The following MREG variants were observed in gnomAD, a reference collection of about 807,000 sequenced individuals.
MREG encodes dilute suppressor protein homolog.
Under a neutral mutation model 28.5 loss-of-function variants are expected in MREG, and 31 were observed. The observed-to-expected ratio is 1.09, with a 90% CI of 0.82 to 1.47. MREG has a LOEUF of 1.47. Among genes scored for constraint, MREG ranks in the 40% most tolerant of loss-of-function variants. The pLI is 0.00. For synonymous variants in MREG, 106 were observed against 95.2 expected, an observed-to-expected ratio of 1.11 and a Z score of -0.66; for missense variants, 256 against 257.4, an observed-to-expected ratio of 0.99 and a Z score of 0.04.
chr2:215,988,049 T>G (rs1216782994), intron 2 of MREG, among the ~76,000 whole-genome samples: 1 of 152,256 alleles, frequency 6.6e-6, no homozygotes, highest in Non-Finnish European at 1.5e-5. Context: ...AGAGTTCCTG[T>G]TCCTCTACAG....
intron 2 of MREG, among the ~76,000 whole-genome samples, chr2:215,992,045 A>G (rs1457407618): frequency 6.6e-6 from 1 of 152,232 alleles, no homozygotes; most frequent in East Asian, 1.9e-4. Flanking sequence ...AACTCATTTT[A>G]TGAGGCCAGC....
At chr2:215,966,232 G>GAGCTT in intron 2 of MREG, among the ~76,000 whole-genome samples, 1 of 152,222 alleles carries the variant, frequency 6.6e-6, no homozygotes, top group African/African-American at 2.4e-5. Flanking sequence ...TGCCTCTTCG[G>GAGCTT]AATTATTAGT....
In MREG at chr2:215,944,812, G is replaced by GACAACA; in HGVS notation, c.*50_*51insTGTTGT. The GACAACA allele has an allele frequency of 6.6e-7, 1 of 1,514,804 alleles. No homozygotes were observed. Among genetic ancestry groups the GACAACA allele is most frequent in the South Asian group, 1.3e-5 (1 of 76,322 alleles). 93.8% of individuals were successfully genotyped at this position (1,514,804 alleles called of 1,614,324 possible). A position where few individuals can be genotyped will look rare whatever the true frequency, so the allele number is the denominator to read the frequency against. On this transcript the variant is annotated 3_prime_UTR_variant, in exon 5 of 5. Coordinates refer to ENST00000263268, the MANE Select transcript of MREG (RefSeq NM_018000.3). Reference sequence around the variant, plus strand: ...TACATGTAATTGTCCAACTTTGGTTGACTGCTGAGTCCTCATGGAAGAATT... The same window carrying GACAACA: ...TACATGTAATTGTCCAACTTTGGTTGACAACAACTGCTGAGTCCTCATGGAAGAATT...
intron 2 of MREG, among the ~76,000 whole-genome samples, chr2:215,994,124 G>A (rs373259736): frequency 6.6e-5 from 10 of 151,898 alleles, no homozygotes; most frequent in South Asian, 2.1e-4. Context: ...TATGTTTATC[G>A]CAACACTGTT....
intron 2 of MREG, among the ~76,000 whole-genome samples, chr2:215,992,953 T>C (rs1410938297): frequency 6.6e-6 from 1 of 152,154 alleles, no homozygotes; most frequent in East Asian, 1.9e-4. Flanking sequence ...TGCTCATGGA[T>C]AGGAAAAATC....
chr2:216,019,435 A>T (rs1694490493), intron 1 of MREG, among the ~76,000 whole-genome samples: 1 of 151,332 alleles, frequency 6.6e-6, no homozygotes, highest in Non-Finnish European at 1.5e-5. Flanking sequence ...AACAGACACT[A>T]TCTATCTGTT....
intron 1 of MREG, among the ~76,000 whole-genome samples, chr2:215,998,414 G>T (rs1014131625): frequency 1.3e-5 from 2 of 152,070 alleles, no homozygotes; most frequent in Non-Finnish European, 2.9e-5. Context: ...TTGGAACCAA[G>T]GCTAGCAGGA....
chr2:216,019,690 T>C (rs1005436842), intron 1 of MREG, among the ~76,000 whole-genome samples: 10 of 152,018 alleles, frequency 6.6e-5, no homozygotes, highest in African/African-American at 2.2e-4. Flanking sequence ...GTATTTTTAG[T>C]AGAGACAGGG....
intron 2 of MREG, among the ~76,000 whole-genome samples, chr2:215,984,522 A>C (rs77863125): frequency 1.7e-5 from 2 of 115,772 alleles, no homozygotes; most frequent in African/African-American, 3.2e-5. Context: ...TGTCACCAAA[A>C]AAAAAAAAAA....
At chr2:215,953,072 T>C (rs1183584865) in intron 2 of MREG, among the ~76,000 whole-genome samples, 1 of 152,236 alleles carries the variant, frequency 6.6e-6, no homozygotes, top group Non-Finnish European at 1.5e-5. Context: ...GATTCATCCC[T>C]TAAGGTTGGC....
intron 2 of MREG, among the ~76,000 whole-genome samples, chr2:215,987,344 CA>C (rs34423911): frequency 0.96 from 145,264 of 151,928 alleles, 69,511 homozygotes; most frequent in African/African-American, 0.97. Flanking sequence ...CTCCCAGGTT[CA>C]AAGCGATTCT....
At chr2:215,945,968 C>T (rs1359604355) in intron 3 of MREG, among the ~76,000 whole-genome samples, 2 of 151,868 alleles carry the variant, frequency 1.3e-5, no homozygotes, top group African/African-American at 4.8e-5. Flanking sequence ...TTAACTTTTC[C>T]CTCAGAGCCT....
intron 2 of MREG, among the ~76,000 whole-genome samples, chr2:215,956,934 C>T (rs141986115): frequency 1.6e-3 from 239 of 152,190 alleles, no homozygotes; most frequent in African/African-American, 5.3e-3. Context: ...GACGGATACC[C>T]TTATAATCCA....
upstream of MREG, among the ~76,000 whole-genome samples, chr2:216,013,775 T>C (rs368343874): frequency 6.6e-6 from 1 of 152,188 alleles, no homozygotes; most frequent in East Asian, 1.9e-4. Context: ...GTACCTTTTA[T>C]TGGCTTCACT....
intron 1 of MREG, chr2:216,032,650 A>G (rs764925224): frequency 2.0e-5 from 3 of 152,192 alleles, no homozygotes; most frequent in Non-Finnish European, 4.4e-5. Flanking sequence ...ACCACCATAA[A>G]CTACAGGAGG....
At chr2:215,983,268 T>C (rs954397185) in intron 2 of MREG, among the ~76,000 whole-genome samples, 5 of 152,204 alleles carry the variant, frequency 3.3e-5, no homozygotes, top group African/African-American at 1.2e-4. Context: ...CTTTGTCCAA[T>C]TCTTGGGGAC....
intron 2 of MREG, among the ~76,000 whole-genome samples, chr2:215,992,548 T>A: frequency 6.6e-6 from 1 of 152,284 alleles, no homozygotes; most frequent in Middle Eastern, 3.4e-3. Context: ...CAACATAGTA[T>A]TGGAAGTTCT....
At chr2:215,951,257 T>C (rs1172764403) in intron 2 of MREG, among the ~76,000 whole-genome samples, 1 of 152,170 alleles carries the variant, frequency 6.6e-6, no homozygotes. Flanking sequence ...ATGTAAAAAA[T>C]GTTATCCAAT....
chr2:216,004,183 T>A (rs1204030339), intron 1 of MREG, among the ~76,000 whole-genome samples: 1 of 152,092 alleles, frequency 6.6e-6, no homozygotes, highest in Non-Finnish European at 1.5e-5. Context: ...TCCTCACTCC[T>A]CCCTCTCCTT....
Sources: allele counts gnomAD v4.1 joint callset (sites outside exome capture counted in the v4.1 genomes callset), GRCh38; gene constraint gnomAD v4.1.1; transcripts MANE v1.5; gene names NCBI Gene and HGNC (gene_info 2026-07-23, HGNC 2026-07-21).